Variants in LRP1B observed in about 807,000 individuals in gnomAD.
LRP1B encodes low-density lipoprotein receptor-related protein 1B.
Under a neutral mutation model 556.6 loss-of-function variants are expected in LRP1B, and 217 were observed. The observed-to-expected ratio is 0.39, with a 90% confidence interval of 0.35 to 0.44. LRP1B has a LOEUF of 0.44. LRP1B is among the 20% of genes least tolerant of loss of function. The pLI is 1.00. For missense variants in LRP1B, 5,053 were observed against 5,620.8 expected, an observed-to-expected ratio of 0.90 and a Z score of 3.23; for synonymous variants, 2,047 against 1,865.8, an observed-to-expected ratio of 1.10 and a Z score of -2.50.
At chr2:140,882,534 A>G (rs1693506550) in intron 25 of LRP1B, among the ~76,000 whole-genome samples, 1 of 152,236 alleles carries the variant, frequency 6.6e-6, no homozygotes, top group Non-Finnish European at 1.5e-5. Flanking sequence ...TCAATATTTT[A>G]AATTTTGACA....
At chr2:142,075,594 A>T (rs1420399584) in intron 1 of LRP1B, among the ~76,000 whole-genome samples, 1 of 152,062 alleles carries the variant, frequency 6.6e-6, no homozygotes, top group African/African-American at 2.4e-5. Flanking sequence ...TAACTTCAGG[A>T]AGGGCGTTTA....
chr2:141,103,829 T>C (rs1700531360), intron 7 of LRP1B, among the ~76,000 whole-genome samples: 1 of 151,782 alleles, frequency 6.6e-6, no homozygotes, highest in South Asian at 2.1e-4. Flanking sequence ...ACAAAAATGC[T>C]GTTGGTTTCT....
At chr2:142,064,821 T>G (rs1705048441) in intron 1 of LRP1B, among the ~76,000 whole-genome samples, 1 of 151,578 alleles carries the variant, frequency 6.6e-6, no homozygotes, top group African/African-American at 2.4e-5. Flanking sequence ...AGTATTTATT[T>G]AAAAATATTT....
chr2:141,217,478 A>G (rs1312524228), intron 6 of LRP1B, among the ~76,000 whole-genome samples: 2 of 152,196 alleles, frequency 1.3e-5, no homozygotes, highest in Non-Finnish European at 2.9e-5. Context: ...TTGATAGAAG[A>G]CAGAGGTGAA....
intron 66 of LRP1B, among the ~76,000 whole-genome samples, chr2:140,416,713 T>G (rs1685219588): frequency 6.6e-6 from 1 of 151,272 alleles, no homozygotes; most frequent in Admixed American, 6.6e-5. Flanking sequence ...GCAGGCTTTA[T>G]AGTGGCAAGT....
intron 77 of LRP1B, among the ~76,000 whole-genome samples, chr2:140,337,097 C>T (rs1182784044): frequency 1.3e-5 from 2 of 151,770 alleles, no homozygotes; most frequent in African/African-American, 4.8e-5. Context: ...AGAAACTGAA[C>T]ATCTCAAAAA....
intron 61 of LRP1B, among the ~76,000 whole-genome samples, chr2:140,456,996 A>G (rs1013807419): frequency 6.6e-6 from 1 of 152,210 alleles, no homozygotes; most frequent in African/African-American, 2.4e-5. Flanking sequence ...TAGGCCGGAT[A>G]GGTTTTTTTA....
intron 1 of LRP1B, among the ~76,000 whole-genome samples, chr2:142,034,993 G>T (rs887028191): frequency 1.3e-5 from 2 of 151,718 alleles, no homozygotes; most frequent in Non-Finnish European, 2.9e-5. Flanking sequence ...AATCATGTAT[G>T]AATAAAGATC....
intron 3 of LRP1B, among the ~76,000 whole-genome samples, chr2:141,330,901 G>A (rs1687614877): frequency 6.6e-6 from 1 of 151,912 alleles, no homozygotes; most frequent in Non-Finnish European, 1.5e-5. Flanking sequence ...TACAGCTGCC[G>A]CCCACCACGC....
intron 5 of LRP1B, among the ~76,000 whole-genome samples, chr2:141,246,149 G>T (rs1558957500): frequency 6.6e-6 from 1 of 152,240 alleles, no homozygotes; most frequent in African/African-American, 2.4e-5. Flanking sequence ...AAATAACACT[G>T]GAAAATAACT....
intron 13 of LRP1B, among the ~76,000 whole-genome samples, chr2:141,015,294 T>A (rs1354337422): frequency 2.0e-5 from 3 of 152,118 alleles, no homozygotes; most frequent in African/African-American, 7.2e-5. Context: ...GTCACCAAGT[T>A]ACTTACTCAA....
intron 29 of LRP1B, among the ~76,000 whole-genome samples, chr2:140,849,803 G>A (rs746532053): frequency 6.6e-6 from 1 of 152,108 alleles, no homozygotes; most frequent in Non-Finnish European, 1.5e-5. Context: ...GCCTCCCAAA[G>A]TGCCGGGATT....
At position 141,818,359 on chromosome 2, in the gene LRP1B, A is replaced by G. The variant is rs555744815; in HGVS notation, c.83-7958T>C. Among the ~76,000 whole-genome samples, 3 of 152,290 alleles carry G rather than the reference A, an allele frequency of 2.0e-5. No individual in the cohort carries two copies. The South Asian group carries it at 6.2e-4, about 32-fold the overall frequency. Reference sequence around the variant, plus strand: ...ATTCACCTGCCTCAGAAAAATGTACATATGTAGATAAAGAATAAATTGCTC... The same window carrying G: ...ATTCACCTGCCTCAGAAAAATGTACGTATGTAGATAAAGAATAAATTGCTC... On this transcript the variant is annotated intron_variant, in intron 1 of 90. Coordinates refer to ENST00000389484, the MANE Select transcript of LRP1B (RefSeq NM_018557.3).
At chr2:140,549,572 C>T (rs894079931) in intron 43 of LRP1B, among the ~76,000 whole-genome samples, 4 of 152,170 alleles carry the variant, frequency 2.6e-5, no homozygotes, top group Admixed American at 2.0e-4. Context: ...AGTTGAGTAG[C>T]AGCACATAGA....
chr2:140,724,807 T>TA (rs5834772), intron 35 of LRP1B, among the ~76,000 whole-genome samples: 48,334 of 110,626 alleles, frequency 0.44, 8,189 homozygotes, highest in East Asian at 0.65. Context: ...ATTATCGAGA[T>TA]AAAAAAATAA....
chr2:141,188,430 G>A lies in LRP1B; in HGVS notation c.1004C>T (p.Pro335Leu), dbSNP rs572771636. ...ATAAAGAATTTCTTACCCTGCTATT[G>A]GATCTACTGCTATTGCTTTAGGATT... ...LHNPKAIAVD[P>L]IAGKLFFTDY... The change falls in exon 7 of 91, where the codon CCA becomes CTA. Residue 335 changes from proline to leucine, a missense_variant. Around this residue, in one of 5 missense-constraint regions of LRP1B, gnomAD observed 3,619 missense variants for 3,931.9 expected, o/e 0.92. Coordinates refer to ENST00000389484, the MANE Select transcript of LRP1B (RefSeq NM_018557.3). 1 of 1,610,984 alleles carries A rather than the reference G, an allele frequency of 6.2e-7. No individual in the cohort carries two copies. Among genetic ancestry groups the A allele is most frequent in the South Asian group, 1.1e-5 (1 of 90,712 alleles).
intron 41 of LRP1B, among the ~76,000 whole-genome samples, chr2:140,681,164 G>A (rs1280896555): frequency 6.6e-6 from 1 of 152,158 alleles, no homozygotes; most frequent in Non-Finnish European, 1.5e-5. Flanking sequence ...TGTTTTGCTA[G>A]TATTATATAT....
intron 56 of LRP1B, among the ~76,000 whole-genome samples, chr2:140,493,609 G>T: frequency 6.7e-6 from 1 of 149,616 alleles, no homozygotes. Flanking sequence ...TCATAAACTT[G>T]TTTGCCAAAT....
chr2:141,601,583 T>C (rs1236363575), intron 2 of LRP1B, among the ~76,000 whole-genome samples: 1 of 147,692 alleles, frequency 6.8e-6, no homozygotes, highest in Non-Finnish European at 1.5e-5. Context: ...TGATTTAACC[T>C]GTATTGTAGC....
Sources: allele counts gnomAD v4.1 joint callset (sites outside exome capture counted in the v4.1 genomes callset), GRCh38; gene constraint gnomAD v4.1.1; regional missense constraint gnomAD v4.1.1; transcripts MANE v1.5; gene names NCBI Gene and HGNC (gene_info 2026-07-23, HGNC 2026-07-21).